The following EPHA5 variants were observed in gnomAD, a reference collection of about 807,000 sequenced individuals.
The protein encoded by EPHA5 is EPH receptor A5.
Under a neutral mutation model 105.0 loss-of-function variants are expected in EPHA5, and 60 were observed. The observed-to-expected ratio is 0.57, with a 90% CI of 0.46 to 0.71. The LOEUF (loss-of-function observed/expected upper bound fraction) is 0.71, where lower values mean the gene tolerates loss of function less well. EPHA5 is among the 30% of genes least tolerant of loss of function. EPHA5 has a pLI of 0.00. For synonymous variants in EPHA5, 513 were observed against 449.1 expected (o/e 1.14, Z -1.80); for missense variants, 1,218 against 1,274.7 (o/e 0.96, Z 0.68).
intron 16 of EPHA5, chr4:65,331,739 A>T (rs961087080): frequency 1.7e-6 from 2 of 1,211,108 alleles, no homozygotes; most frequent in African/African-American, 3.1e-5. Context: ...CTGTTATTCC[A>T]ATTATTCAAG....
intron 5 of EPHA5, among the ~76,000 whole-genome samples, chr4:65,472,727 G>T (rs1729412837): frequency 6.6e-6 from 1 of 151,854 alleles, no homozygotes; most frequent in Non-Finnish European, 1.5e-5. Context: ...GGGCCCCTGG[G>T]CCTGGCCCAC....
chr4:65,525,848 A>G (rs1251079620), intron 3 of EPHA5, among the ~76,000 whole-genome samples: 1 of 151,790 alleles, frequency 6.6e-6, no homozygotes, highest in Non-Finnish European at 1.5e-5. Context: ...CAGAATCTGT[A>G]TTTCTGTTTC....
chr4:65,650,814 T>C (rs1748546547), intron 1 of EPHA5, among the ~76,000 whole-genome samples: 1 of 152,196 alleles, frequency 6.6e-6, no homozygotes, highest in Non-Finnish European at 1.5e-5. Flanking sequence ...CTTAACACTT[T>C]CTTCAAAATA....
intron 14 of EPHA5, among the ~76,000 whole-genome samples, chr4:65,347,171 A>G (rs1722301896): frequency 1.5e-5 from 1 of 65,974 alleles, no homozygotes; most frequent in African/African-American, 4.8e-5. Flanking sequence ...GATGACAGAA[A>G]TAATGCGAGT....
chr4:65,643,175 G>A (rs569800848), intron 2 of EPHA5, among the ~76,000 whole-genome samples, 188 bp downstream of exon 2: 3 of 152,062 alleles, frequency 2.0e-5, no homozygotes, highest in Admixed American at 6.5e-5. Flanking sequence ...TTCAGTCACT[G>A]AAAGCCCTTC....
At chr4:65,487,821 ATG>A (rs1462340226) in intron 5 of EPHA5, among the ~76,000 whole-genome samples, 1 of 152,134 alleles carries the variant, frequency 6.6e-6, no homozygotes, top group Non-Finnish European at 1.5e-5. Flanking sequence ...AGCTGGCTCT[ATG>A]TGTATTAAAC....
At chr4:65,570,824 C>T (rs1184436398) in intron 3 of EPHA5, among the ~76,000 whole-genome samples, 1 of 151,904 alleles carries the variant, frequency 6.6e-6, no homozygotes, top group East Asian at 1.9e-4. Context: ...CAATAAAAAT[C>T]TTAATATATA....
intron 2 of EPHA5, among the ~76,000 whole-genome samples, chr4:65,613,469 T>C (rs1310388983): frequency 6.6e-6 from 1 of 152,106 alleles, no homozygotes; most frequent in Non-Finnish European, 1.5e-5. Context: ...TTGGGCAGTA[T>C]GGTCATTTTA....
intron 15 of EPHA5, among the ~76,000 whole-genome samples, chr4:65,332,774 G>GA (rs1275357229): frequency 6.6e-6 from 1 of 151,788 alleles, no homozygotes; most frequent in Non-Finnish European, 1.5e-5. Flanking sequence ...CTTTGTTTAT[G>GA]AAGGTAAGAA....
chr4:65,496,485 T>G (rs1452045918), intron 3 of EPHA5, among the ~76,000 whole-genome samples: 1 of 150,446 alleles, frequency 6.6e-6, no homozygotes, highest in East Asian at 2.0e-4. Flanking sequence ...TGGTGTTTGG[T>G]TTTTTGTTCT....
At chr4:65,613,163 A>G (rs906071218) in intron 2 of EPHA5, among the ~76,000 whole-genome samples, 3 of 151,986 alleles carry the variant, frequency 2.0e-5, no homozygotes, top group Admixed American at 1.3e-4. Context: ...TTCATCAACA[A>G]TGTCAAAGAT....
intron 14 of EPHA5, among the ~76,000 whole-genome samples, chr4:65,347,097 G>T (rs2148838498): frequency 6.6e-6 from 1 of 152,282 alleles, no homozygotes; most frequent in East Asian, 1.9e-4. Flanking sequence ...TTCAGCTGGA[G>T]AGCTATATAG....
At chr4:65,503,908 TACACACACAC>T (rs34693427) in intron 3 of EPHA5, among the ~76,000 whole-genome samples, 87 of 145,436 alleles carry the variant, frequency 6.0e-4, no homozygotes, top group South Asian at 1.3e-3. Context: ...ATGTGTGTGA[TACACACACAC>T]ACACACACAC....
chr4:65,347,175 T>C (rs1344630185), intron 14 of EPHA5, among the ~76,000 whole-genome samples: 2 of 22,572 alleles, frequency 8.9e-5, no homozygotes, highest in African/African-American at 1.6e-4. Flanking sequence ...ACAGAAATAA[T>C]GCGAGTGAAA....
At chr4:65,584,145 A>C (rs955002533) in intron 3 of EPHA5, among the ~76,000 whole-genome samples, 2 of 151,704 alleles carry the variant, frequency 1.3e-5, no homozygotes, top group Admixed American at 6.6e-5. Flanking sequence ...TTATCTTAAA[A>C]TAATAAAATC....
chr4:65,338,902 C>A (rs2148819754), intron 14 of EPHA5, among the ~76,000 whole-genome samples: 1 of 152,110 alleles, frequency 6.6e-6, no homozygotes, highest in South Asian at 2.1e-4. Context: ...CAACTTGTAA[C>A]ATATAACCAA....
At chr4:65,402,290 C>T (rs1226480565) in intron 8 of EPHA5, among the ~76,000 whole-genome samples, 2 of 152,074 alleles carry the variant, frequency 1.3e-5, no homozygotes, top group African/African-American at 4.8e-5. Flanking sequence ...AACAGTTCTT[C>T]ATAGCAGTGT....
intron 13 of EPHA5, among the ~76,000 whole-genome samples, chr4:65,350,946 A>G (rs1283380447): frequency 1.3e-5 from 2 of 152,006 alleles, no homozygotes; most frequent in African/African-American, 4.8e-5. Context: ...TAAGGACAGT[A>G]TAATGCAGAG....
intron 5 of EPHA5, among the ~76,000 whole-genome samples, chr4:65,484,748 C>A (rs1291676972): frequency 6.6e-6 from 1 of 151,828 alleles, no homozygotes; most frequent in Admixed American, 6.6e-5. Context: ...TTAGAAATTC[C>A]TAGTGTAAAA....
Sources: allele counts gnomAD v4.1 joint callset (sites outside exome capture counted in the v4.1 genomes callset), GRCh38; gene constraint gnomAD v4.1.1; transcripts MANE v1.5; gene names NCBI Gene and HGNC (gene_info 2026-07-23, HGNC 2026-07-21).